ADAMTS17: variants seen among roughly 807,000 people sequenced by gnomAD.
ADAMTS17 encodes A disintegrin and metalloproteinase with thrombospondin motifs 17.
Under a neutral mutation model 141.5 loss-of-function variants are expected in ADAMTS17, and 113 were observed. That is an observed-to-expected ratio of 0.80 (90% CI 0.69 to 0.93). The LOEUF is 0.93. Ranked by LOEUF, ADAMTS17 falls within the 40% of genes least tolerant of loss-of-function variation. The pLI, the probability that ADAMTS17 is intolerant of heterozygous loss-of-function variation, is 0.00. For missense variants in ADAMTS17, 1,659 were observed against 1,517.9 expected, an observed-to-expected ratio of 1.09 and a Z score of -1.54; for synonymous variants, 768 against 630.6, an observed-to-expected ratio of 1.22 and a Z score of -3.27.
chr15:100,158,828 T>A (rs1400398186), intron 8 of ADAMTS17, among the ~76,000 whole-genome samples: 3 of 152,148 alleles, frequency 2.0e-5, no homozygotes, highest in Non-Finnish European at 4.4e-5. Flanking sequence ...AAGACGTTTC[T>A]CTAAAGAAGA....
At chr15:100,052,656 T>G (rs181298870) in intron 16 of ADAMTS17, among the ~76,000 whole-genome samples, 40 of 152,364 alleles carry the variant, frequency 2.6e-4, no homozygotes, top group Admixed American at 1.5e-3. Flanking sequence ...CCTCCTCTCT[T>G]AGTCCCTCTG....
intron 8 of ADAMTS17, among the ~76,000 whole-genome samples, chr15:100,185,558 G>A (rs1384170201): frequency 1.3e-5 from 2 of 152,146 alleles, no homozygotes; most frequent in Non-Finnish European, 2.9e-5. Context: ...GTGCAAACTC[G>A]CCAGTGTGAG....
intron 7 of ADAMTS17, among the ~76,000 whole-genome samples, chr15:100,230,929 C>T (rs145189980): frequency 1.3e-5 from 2 of 152,144 alleles, no homozygotes; most frequent in East Asian, 3.9e-4. Context: ...GAACAGCCCA[C>T]GGGGGGAGGA....
At chr15:100,254,675 T>A (rs527864396) in intron 6 of ADAMTS17, among the ~76,000 whole-genome samples, 21 of 152,312 alleles carry the variant, frequency 1.4e-4, no homozygotes, top group African/African-American at 4.8e-4. Context: ...TAAAAAGGAA[T>A]GAGATCATGT....
At chr15:100,000,199 C>T (rs1266232083) in intron 18 of ADAMTS17, among the ~76,000 whole-genome samples, 2 of 152,184 alleles carry the variant, frequency 1.3e-5, no homozygotes, top group African/African-American at 4.8e-5. Flanking sequence ...CATCTCAGCA[C>T]CTGGCCACAC....
chr15:100,301,644 T>C (rs1158380685), intron 3 of ADAMTS17, among the ~76,000 whole-genome samples: 1 of 152,150 alleles, frequency 6.6e-6, no homozygotes, highest in Non-Finnish European at 1.5e-5. Flanking sequence ...GTAAGTTATA[T>C]TTCATTAGGC....
intron 15 of ADAMTS17, among the ~76,000 whole-genome samples, chr15:100,089,780 A>C (rs1043516575): frequency 3.4e-5 from 5 of 148,340 alleles, no homozygotes; most frequent in Non-Finnish European, 5.9e-5. Flanking sequence ...GGAATTGAAC[A>C]ATGAGAACAC....
rs1164571564 is a variant in ADAMTS17, at chr15:100,192,718, CA to C, written c.1181+6599del. ...TGTGCCGGCTGGCTCGTTCTTAATACAAATCACAGACAAGCATTTCCATGCT... is the reference window on the plus strand; with the variant it reads ...TGTGCCGGCTGGCTCGTTCTTAATACAATCACAGACAAGCATTTCCATGCT... On this transcript the variant is annotated intron_variant, in intron 8 of 21. Transcript: ENST00000268070. 1.1e-4 allele frequency among the ~76,000 whole-genome samples: 17 copies of C among 152,340 alleles called. No homozygotes were observed. In the East Asian group the frequency reaches 2.5e-3, roughly 22 times the overall value.
chr15:100,151,522 G>C (rs536027202), intron 10 of ADAMTS17, among the ~76,000 whole-genome samples: 40 of 152,282 alleles, frequency 2.6e-4, no homozygotes, highest in Middle Eastern at 3.4e-3. Flanking sequence ...CTTGCTCCAG[G>C]AACCTGCCCA....
intron 3 of ADAMTS17, chr15:100,305,995 C>T (rs1222158690): frequency 1.3e-5 from 2 of 155,588 alleles, no homozygotes; most frequent in Non-Finnish European, 1.4e-5. Flanking sequence ...GCTCTGACAC[C>T]AAAGCCTTCT....
At chr15:100,028,084 G>A (rs1252575287) in intron 18 of ADAMTS17, among the ~76,000 whole-genome samples, 2 of 152,166 alleles carry the variant, frequency 1.3e-5, no homozygotes, top group Non-Finnish European at 2.9e-5. Context: ...CCTGGGTGAT[G>A]AGCCATCAGC....
chr15:100,330,835 A>T, intron 3 of ADAMTS17, 54 bp downstream of exon 3: 1 of 1,599,022 alleles, frequency 6.3e-7, no homozygotes, highest in Admixed American at 1.7e-5. Context: ...AGACACACAA[A>T]GGATGTGGGC....
chr15:100,283,690 C>T (rs1362470701), intron 3 of ADAMTS17, among the ~76,000 whole-genome samples: 2 of 152,188 alleles, frequency 1.3e-5, no homozygotes, highest in Non-Finnish European at 2.9e-5. Flanking sequence ...CCTAGCAGGG[C>T]CCACAGGACA....
chr15:100,300,002 C>G (rs1375568616), intron 3 of ADAMTS17, among the ~76,000 whole-genome samples: 2 of 152,202 alleles, frequency 1.3e-5, no homozygotes, highest in East Asian at 3.8e-4. Context: ...AAGTTAATGA[C>G]AGAATGAAGT....
At chr15:100,214,257 T>C (rs1044882557) in intron 7 of ADAMTS17, among the ~76,000 whole-genome samples, 1 of 152,214 alleles carries the variant, frequency 6.6e-6, no homozygotes, top group African/African-American at 2.4e-5. Context: ...AAACTTGTCA[T>C]CTGGCTTTGT....
chr15:100,163,664 T>A (rs1040383830), intron 8 of ADAMTS17, among the ~76,000 whole-genome samples: 2 of 152,170 alleles, frequency 1.3e-5, no homozygotes, highest in Non-Finnish European at 2.9e-5. Context: ...GAAGTTTAAA[T>A]TCTATCTGAT....
intron 8 of ADAMTS17, among the ~76,000 whole-genome samples, chr15:100,164,036 T>G (rs950699218): frequency 6.6e-6 from 1 of 152,192 alleles, no homozygotes; most frequent in African/African-American, 2.4e-5. Context: ...CTAGCTGGCC[T>G]TCTTTCTCTG....
At chr15:100,000,192 C>G (rs2060891668) in intron 18 of ADAMTS17, among the ~76,000 whole-genome samples, 1 of 152,210 alleles carries the variant, frequency 6.6e-6, no homozygotes, top group South Asian at 2.1e-4. Flanking sequence ...AGCCTCCCAT[C>G]TCAGCACCTG....
At chr15:100,084,309 T>C (rs1024493903) in intron 15 of ADAMTS17, among the ~76,000 whole-genome samples, 7 of 152,300 alleles carry the variant, frequency 4.6e-5, no homozygotes, top group South Asian at 4.1e-4. Flanking sequence ...GTGTCCGCCA[T>C]TGCCGAGGCT....
Sources: gnomAD v4.1 joint callset for allele counts (sites outside exome capture counted in the v4.1 genomes callset) on GRCh38, gnomAD v4.1.1 for gene constraint, MANE v1.5 for transcripts, NCBI Gene and HGNC (gene_info 2026-07-23, HGNC 2026-07-21) for gene names.